The following RCC1 variants were observed in gnomAD, a reference collection of about 807,000 sequenced individuals.
RCC1 encodes regulator of chromosome condensation 1.
RCC1 carries 11 observed loss-of-function variants against 44.4 expected under a neutral mutation model. The ratio of observed to expected loss-of-function variants is 0.25; its 90% CI spans 0.16 to 0.41. The LOEUF (loss-of-function observed/expected upper bound fraction) is 0.41. Ranked by LOEUF, RCC1 falls within the 10% of genes least tolerant of loss-of-function variation. The pLI, the probability that RCC1 is intolerant of heterozygous loss-of-function variation, is 1.00. For synonymous variants in RCC1, 213 were observed against 216.5 expected (o/e 0.98, Z 0.14); for missense variants, 386 against 547.1 (o/e 0.71, Z 2.94).
chr1:28,534,472 G>A (rs189253935), intron 7 of RCC1, among the ~76,000 whole-genome samples: 1 of 152,110 alleles, frequency 6.6e-6, no homozygotes, highest in Non-Finnish European at 1.5e-5. Flanking sequence ...GAGCCACCGC[G>A]CCCGGCCTCT....
chr1:28,535,735 C>T, intron 9 of RCC1, 136 bp from the exon 10 acceptor site: 1 of 1,000,214 alleles, frequency 1.0e-6, no homozygotes, highest in Non-Finnish European at 1.6e-6. Context: ...TCTCAGTTTC[C>T]TTTTCTATAA....
intron 4 of RCC1, among the ~76,000 whole-genome samples, chr1:28,527,541 T>G (rs1557875334): frequency 6.6e-6 from 1 of 151,834 alleles, no homozygotes; most frequent in African/African-American, 2.4e-5. Flanking sequence ...ACCTTGTCTC[T>G]AAAAAAAATC....
chr1:28,508,513 C>G (rs758323892), intron 2 of RCC1: 6 of 491,158 alleles, frequency 1.2e-5, no homozygotes, highest in Non-Finnish European at 2.0e-5. Context: ...GGGTGATTAG[C>G]AATATTGGAT....
intron 3 of RCC1, among the ~76,000 whole-genome samples, chr1:28,516,355 T>C (rs990914795): frequency 6.6e-6 from 1 of 151,746 alleles, no homozygotes; most frequent in African/African-American, 2.4e-5. Flanking sequence ...CTACTAAAAA[T>C]ACAAAAATTA....
At position 28,531,912 on chromosome 1, in the gene RCC1, C is replaced by T. The variant is rs923236172; in HGVS notation, c.183C>T (p.Ala61=). The T allele has an allele frequency of 1.9e-6, 3 of 1,609,310 alleles. No individual in the cohort carries two copies. The African/African-American group carries it at 4.0e-5, about 22-fold the overall frequency. The change falls in exon 6 of 13, where the codon GCC becomes GCT. Residue 61 remains alanine, a synonymous_variant. Coordinates refer to ENST00000683442, the MANE Select transcript of RCC1 (RefSeq NM_001381865.2). ...ATGTGATGGAGAGGAAGAAGCCGGC[C>T]CTGGTATCCATTCCGGAGGATGTTG... The part of the protein sequence containing the change: ...GENVMERKKP[A]LVSIPEDVVQ...
chr1:28,507,285 CTTGT>C (rs2124590158), intron 1 of RCC1: 1 of 490,338 alleles, frequency 2.0e-6, no homozygotes, highest in Non-Finnish European at 4.1e-6. Context: ...CGTTTGCTTT[CTTGT>C]TTAAGATCTG....
Position 28,536,625 on chromosome 1 carries a change from C to A in RCC1, c.938-122C>A. On this transcript the variant is annotated intron_variant, in intron 11 of 12. Transcript: ENST00000683442. This position sits in a 1 kb window ranked among gnomAD's most constrained non-coding sequence, Gnocchi z 4.9. ...AACTGGGAAGAGACACTGCAGATCT[C>A]CTTCTGATCGCTCTGGGAGCAGGGA... 4 of 1,270,454 alleles carry A rather than the reference C, an allele frequency of 3.1e-6. No homozygotes were observed. The highest frequency in any genetic ancestry group is 4.4e-6 in the Non-Finnish European group (4 of 905,390). The allele number at this position is 1,270,454 out of a possible 1,614,324, so 78.7% of individuals were successfully genotyped here. A position where few individuals can be genotyped will look rare whatever the true frequency, so the allele number is the denominator to read the frequency against.
Position 28,536,797 on chromosome 1 carries a change from G to A in RCC1, c.988G>A (p.Glu330Lys). Residue 330 changes from glutamate to lysine, a missense_variant, in exon 12 of 13, where the codon GAG becomes AAG. Transcript: ENST00000683442. The surrounding 1 kb of genome is among the most constrained non-coding windows in gnomAD (Gnocchi z 4.9). ...RAEYGRLGLG[E>K]GAEEKSIPTL... ...TGAGTATGGGCGGCTGGGCCTTGGAGAGGGTGCTGAGGAGAAGAGCATACC... is the reference window on the plus strand; with the variant it reads ...TGAGTATGGGCGGCTGGGCCTTGGAAAGGGTGCTGAGGAGAAGAGCATACC... The A allele has an allele frequency of 6.2e-7, 1 of 1,614,122 alleles. No individual in the cohort carries two copies. The highest frequency in any genetic ancestry group is 1.3e-5 in the African/African-American group (1 of 75,050).
chr1:28,534,076 C>T (rs1313600280), intron 7 of RCC1, among the ~76,000 whole-genome samples: 6 of 151,532 alleles, frequency 4.0e-5, no homozygotes, highest in African/African-American at 1.2e-4. Context: ...CGGGGTTTCA[C>T]CATGTTGGCC....
chr1:28,527,893 T>C (rs574066942), intron 4 of RCC1, among the ~76,000 whole-genome samples: 22 of 150,778 alleles, frequency 1.5e-4, no homozygotes, highest in Non-Finnish European at 2.9e-4. Flanking sequence ...CCTGTAATCC[T>C]AGCTACTCCA....
At position 28,526,668 on chromosome 1, in the gene RCC1, G is replaced by T. The variant is rs542012491; in HGVS notation, c.-9-3190G>T. 1.4e-5 allele frequency: 7 copies of T among 483,458 alleles called. No homozygotes were observed. In the East Asian group the frequency reaches 2.5e-4, roughly 17 times the overall value. The allele number at this position is 483,458 out of a possible 1,614,324, so 29.9% of individuals were successfully genotyped here. ...CCCAGCACTTTGGGAGGCTGAGGTG[G>T]GTGGATCACCTGAGTTCAGGAGTTC... On this transcript the variant is annotated intron_variant, in intron 4 of 12. Coordinates refer to ENST00000683442, the MANE Select transcript of RCC1 (RefSeq NM_001381865.2).
chr1:28,523,086 C>A (rs1022370686), intron 4 of RCC1, among the ~76,000 whole-genome samples: 2 of 135,054 alleles, frequency 1.5e-5, no homozygotes, highest in Non-Finnish European at 3.0e-5. Context: ...GGCTGGAGTG[C>A]AGTGGCGTGA....
At chr1:28,530,541 C>T (rs753601739) in intron 5 of RCC1, 3 of 1,605,262 alleles carry the variant, frequency 1.9e-6, no homozygotes, top group Non-Finnish European at 2.5e-6. Context: ...GCCGCTGCCT[C>T]CCGCCGCGTT....
At chr1:28,520,009 C>T (rs1045254892) in intron 4 of RCC1, among the ~76,000 whole-genome samples, 4 of 151,942 alleles carry the variant, frequency 2.6e-5, no homozygotes, top group East Asian at 1.9e-4. Context: ...ATAGTAATAT[C>T]CTATAATTTT....
chr1:28,530,279 G>A (rs1436319626), intron 5 of RCC1, among the ~76,000 whole-genome samples: 1 of 152,174 alleles, frequency 6.6e-6, no homozygotes, highest in South Asian at 2.1e-4. Flanking sequence ...CTAGCTGCTG[G>A]GCAAGTCACT....
At position 28,537,843 on chromosome 1, in the gene RCC1, G is replaced by A. The variant is rs753925071; in HGVS notation, c.1102G>A (p.Ala368Thr). The A allele has an allele frequency of 5.0e-6, 8 of 1,612,154 alleles. No individual in the cohort carries two copies. The highest frequency in any genetic ancestry group is 1.7e-5 in the Admixed American group (1 of 59,692). ...YAVTKDGRVF[A>T]WGMGTNYQLG... The stretch of plus-strand genomic sequence containing the variant: ...TCTCTCTCTTGCAGGTCGTGTTTTC[G>A]CCTGGGGCATGGGCACCAACTACCA... Residue 368 changes from alanine (A) to threonine (T), a missense_variant, in exon 13 of 13, where the codon GCC becomes ACC. Ala to Thr is a moderately conservative substitution (Grantham distance 58). Coordinates refer to ENST00000683442, the MANE Select transcript of RCC1 (RefSeq NM_001381865.2).
rs954760777 is a variant in RCC1, at chr1:28,506,071, G to T, written c.-275G>T. 1 of 456,032 alleles carries T rather than the reference G, an allele frequency of 2.2e-6. No individual in the cohort carries two copies. The highest frequency in any genetic ancestry group is 4.4e-6 in the Non-Finnish European group (1 of 226,786). 28.2% of individuals were successfully genotyped at this position (456,032 alleles called of 1,614,324 possible). A position where few individuals can be genotyped will look rare whatever the true frequency, so the allele number is the denominator to read the frequency against. ...TTTTGGAGACAGATTCGCAGTGGTCGCTTCTTCTCCTTGGTAAGTGTGATC... is the reference window on the plus strand; with the variant it reads ...TTTTGGAGACAGATTCGCAGTGGTCTCTTCTTCTCCTTGGTAAGTGTGATC... On this transcript the variant is annotated 5_prime_UTR_variant, in exon 1 of 13. Coordinates refer to ENST00000683442, the MANE Select transcript of RCC1 (RefSeq NM_001381865.2).
intron 4 of RCC1, 99 bp from the exon 5 acceptor site, chr1:28,529,759 T>C: frequency 2.2e-6 from 2 of 892,414 alleles, no homozygotes; most frequent in Middle Eastern, 2.2e-4. Context: ...TGTTGGGCAA[T>C]TCCTCTTAAC....
intron 4 of RCC1, among the ~76,000 whole-genome samples, chr1:28,524,308 A>G (rs1663502345): frequency 1.3e-5 from 2 of 152,222 alleles, no homozygotes; most frequent in South Asian, 2.1e-4. Flanking sequence ...CTACCTGGTC[A>G]TTTAAGCCCA....
Sources: gnomAD v4.1 joint callset for allele counts (sites outside exome capture counted in the v4.1 genomes callset) on GRCh38, gnomAD v4.1.1 for gene constraint, Gnocchi (gnomAD v3.1) non-coding constraint, MANE v1.5 for transcripts, NCBI Gene and HGNC (gene_info 2026-07-23, HGNC 2026-07-21) for gene names.